ZNF292: variants seen among roughly 807,000 people sequenced by gnomAD.
ZNF292 encodes zinc finger protein 292.
A neutral mutation model predicts 217.9 loss-of-function variants in ZNF292; 26 were observed. The ratio of observed to expected loss-of-function variants is 0.12; its 90% CI spans 0.09 to 0.17. The LOEUF is 0.17. ZNF292 is among the 10% of genes least tolerant of loss of function. ZNF292 has a pLI of 1.00. For synonymous variants in ZNF292, 1,257 were observed against 1,124.1 expected, an observed-to-expected ratio of 1.12 and a Z score of -2.37; for missense variants, 2,904 against 3,175.2, an observed-to-expected ratio of 0.91 and a Z score of 2.05.
chr6:87,251,588 T>C (rs923834404), intron 7 of ZNF292, among the ~76,000 whole-genome samples: 1 of 152,250 alleles, frequency 6.6e-6, no homozygotes, highest in Non-Finnish European at 1.5e-5. Context: ...AAGCTTGTGC[T>C]ATTAGTATTT....
rs769164540 is a variant in ZNF292, at chr6:87,258,334, G to A, written c.4705G>A (p.Val1569Ile). ...CATTGAGGAATGTAGCAGCTTGCCT[G>A]TTTTTCCAACGAATGACTTACTACT... ...SSIEECSSLP[V>I]FPTNDLLLKT... The change falls in exon 8 of 8, where the codon GTT becomes ATT. Residue 1569 changes from valine to isoleucine, a missense_variant. By Grantham distance (29) the Val-to-Ile change is conservative (BLOSUM62 3). Around this residue, in one of 15 missense-constraint regions of ZNF292, gnomAD observed 622 missense variants for 573.1 expected, o/e 1.09. Transcript: ENST00000369577. 48 of 1,613,618 alleles carry A rather than the reference G, an allele frequency of 3.0e-5. 1 individual carries two copies. The South Asian group carries it at 5.3e-4, about 18-fold the overall frequency.
intron 4 of ZNF292, 115 bp from the exon 5 acceptor site, chr6:87,233,210 A>G (rs549181171): frequency 1.4e-4 from 105 of 738,382 alleles, no homozygotes; most frequent in Middle Eastern, 3.9e-4. Flanking sequence ...GCAATAATAG[A>G]AAATTGAAAA....
rs72098361 is a variant in ZNF292 at position 87,265,089 on chromosome 6, TTC to T, written c.*3306_*3307del. On this transcript the variant is annotated 3_prime_UTR_variant, in exon 8 of 8. Coordinates refer to ENST00000369577, the MANE Select transcript of ZNF292 (RefSeq NM_015021.3). ...AAGTTTTCTAAATTGTGTGCTGTAG[TTC>T]TCTCTCTCTCTCTCTCTTTTTTTTT... 2.5e-4 allele frequency among the ~76,000 whole-genome samples: 38 copies of T among 151,412 alleles called. No homozygotes were observed. Among genetic ancestry groups the T allele is most frequent in the East Asian group, 7.7e-4 (4 of 5,166 alleles).
At chr6:87,206,912 G>T (rs1772272965) in intron 1 of ZNF292, among the ~76,000 whole-genome samples, 1 of 152,178 alleles carries the variant, frequency 6.6e-6, no homozygotes, top group Admixed American at 6.5e-5. Flanking sequence ...AAAAAGATCT[G>T]AAGTTTCTTT....
At chr6:87,216,149 ACACACAC>A (rs1772760385) in intron 2 of ZNF292, 92 bp downstream of exon 2, 8 of 1,188,332 alleles carry the variant, frequency 6.7e-6, no homozygotes, top group African/African-American at 5.0e-5. Flanking sequence ...ACACACACAC[ACACACAC>A]AACATTAAAT....
intron 4 of ZNF292, among the ~76,000 whole-genome samples, chr6:87,230,258 G>C (rs1257997734): frequency 6.6e-6 from 1 of 152,116 alleles, no homozygotes; most frequent in African/African-American, 2.4e-5. Context: ...GCAAATCTGG[G>C]CATGAGAATA....
rs1775694354 is a variant in ZNF292, at chr6:87,263,257, T to C, written c.*1456T>C. ...TAGTAGAAACATAAGAAAACATCTT[T>C]GCAATATTTACTTTTGTTTCTGTTT... On this transcript the variant is annotated 3_prime_UTR_variant, in exon 8 of 8. Transcript: ENST00000369577. The C allele has an allele frequency of 6.6e-6, 1 of 152,088 alleles. No homozygotes were observed. The highest frequency in any genetic ancestry group is 2.1e-4 in the South Asian group (1 of 4,830). The allele number at this position is 152,088 out of a possible 1,614,324, so 9.4% of individuals were successfully genotyped here.
intron 5 of ZNF292, among the ~76,000 whole-genome samples, chr6:87,238,485 CAAA>C (rs752151881): frequency 7.0e-5 from 7 of 99,674 alleles, no homozygotes; most frequent in Admixed American, 2.2e-4. Context: ...GTCTCCATCT[CAAA>C]AAAAAAAAAA....
At chr6:87,228,770 T>C (rs1773500311) in intron 4 of ZNF292, among the ~76,000 whole-genome samples, 1 of 152,228 alleles carries the variant, frequency 6.6e-6, no homozygotes, top group Admixed American at 6.5e-5. Context: ...GACTCTTTTC[T>C]ATTGCATTGG....
intron 2 of ZNF292, 101 bp from the exon 3 acceptor site, chr6:87,216,198 T>G: frequency 7.7e-7 from 1 of 1,304,768 alleles, no homozygotes; most frequent in East Asian, 2.4e-5. Context: ...TTAAATAGAT[T>G]AGTTATGGGG....
At chr6:87,188,511 G>GTA (rs1771729667) in intron 1 of ZNF292, among the ~76,000 whole-genome samples, 1 of 151,966 alleles carries the variant, frequency 6.6e-6, no homozygotes, top group Non-Finnish European at 1.5e-5. Flanking sequence ...TATAAACATT[G>GTA]TATATATCCA....
rs1168689294 is a variant in ZNF292, at chr6:87,260,632, C to G, written c.7003C>G (p.Arg2335Gly). The G allele has an allele frequency of 4.3e-6, 7 of 1,611,332 alleles. No homozygotes were observed. Among genetic ancestry groups the G allele is most frequent in the Non-Finnish European group, 5.9e-6 (7 of 1,179,138 alleles). Reference protein sequence around the residue: ...KEGIKMPKTKRKKKNNLENKN... With the variant: ...KEGIKMPKTKGKKKNNLENKN... Reference sequence around the variant, plus strand: ...AGGAATAAAAATGCCCAAGACCAAACGAAAGAAAAAAAATAATTTAGAAAA... The same window carrying G: ...AGGAATAAAAATGCCCAAGACCAAAGGAAAGAAAAAAAATAATTTAGAAAA... Residue 2335 changes from arginine (R) to glycine (G), a missense_variant, in exon 8 of 8, where the codon CGA becomes GGA. Arg to Gly is a moderately radical substitution (Grantham distance 125, BLOSUM62 -2). Around this residue, in one of 15 missense-constraint regions of ZNF292, gnomAD observed 101 missense variants for 89.5 expected, o/e 1.13. Coordinates refer to ENST00000369577, the MANE Select transcript of ZNF292 (RefSeq NM_015021.3).
chr6:87,208,072 C>T (rs563890293), intron 1 of ZNF292, among the ~76,000 whole-genome samples: 16 of 152,224 alleles, frequency 1.1e-4, no homozygotes, highest in Non-Finnish European at 1.8e-4. Flanking sequence ...TAGTTACAAT[C>T]GTTGGATATA....
At chr6:87,223,603 C>T (rs1194609538) in intron 4 of ZNF292, 1 of 152,172 alleles carries the variant, frequency 6.6e-6, no homozygotes, top group Admixed American at 6.5e-5. Flanking sequence ...TTTGTCTCCT[C>T]CCTATTTATT....
intron 7 of ZNF292, 86 bp from the exon 8 acceptor site, chr6:87,254,564 C>G (rs1775104466): frequency 7.5e-7 from 1 of 1,337,616 alleles, no homozygotes; most frequent in African/African-American, 1.5e-5. Context: ...TTGAGTAAAA[C>G]AAATCTCAAT....
Position 87,171,161 on chromosome 6 carries a change from C to T in ZNF292, c.168+15402C>T, listed in dbSNP as rs1455462387. ...TAATAATTTATAAAAGATACTTTTG[C>T]ATGTGTGTGGTGGAGGGTTTGGAGT... is the stretch of plus-strand genomic sequence containing the variant. On this transcript the variant is annotated intron_variant, in intron 1 of 7. Transcript: ENST00000369577. 3.3e-5 allele frequency among the ~76,000 whole-genome samples: 5 copies of T among 152,170 alleles called. No homozygotes were observed. The East Asian group carries it at 9.6e-4, about 29-fold the overall frequency.
At chr6:87,169,848 A>G (rs2127772686) in intron 1 of ZNF292, 2 of 264,734 alleles carry the variant, frequency 7.6e-6, no homozygotes, top group East Asian at 1.2e-4. Flanking sequence ...GGGTTTTGCC[A>G]TGTTGCCCAG....
intron 1 of ZNF292, among the ~76,000 whole-genome samples, chr6:87,185,156 A>G (rs1169731009): frequency 6.6e-6 from 1 of 152,174 alleles, no homozygotes; most frequent in Non-Finnish European, 1.5e-5. Flanking sequence ...ATTTCCTTAA[A>G]CTATACTTAG....
At chr6:87,209,102 T>TCTC (rs1209954907) in intron 1 of ZNF292, among the ~76,000 whole-genome samples, 1 of 83,782 alleles carries the variant, frequency 1.2e-5, no homozygotes, top group Non-Finnish European at 2.1e-5. Flanking sequence ...AGCCCCACTT[T>TCTC]CACCCCCCCC....
Sources: allele counts gnomAD v4.1 joint callset (sites outside exome capture counted in the v4.1 genomes callset), GRCh38; gene constraint gnomAD v4.1.1; regional missense constraint gnomAD v4.1.1; transcripts MANE v1.5; gene names NCBI Gene and HGNC (gene_info 2026-07-23, HGNC 2026-07-21).